EDEM3: variants seen among roughly 807,000 people sequenced by gnomAD.
The protein encoded by EDEM3 is ER degradation enhancing alpha-mannosidase like protein 3.
EDEM3 carries 60 observed loss-of-function variants against 110.2 expected under a neutral mutation model. That is an observed-to-expected ratio of 0.54 (90% CI 0.44 to 0.67). The LOEUF (loss-of-function observed/expected upper bound fraction) is 0.67. Among genes scored for constraint, EDEM3 ranks in the 30% least tolerant of loss-of-function variants. The pLI is 0.00. For missense variants in EDEM3, 996 were observed against 1,121.0 expected (o/e 0.89, Z 1.59); for synonymous variants, 352 against 382.9 (o/e 0.92, Z 0.94).
intron 2 of EDEM3, among the ~76,000 whole-genome samples, chr1:184,739,962 C>T (rs1182224010): frequency 2.0e-5 from 3 of 152,084 alleles, no homozygotes; most frequent in Non-Finnish European, 4.4e-5. Context: ...GGAGTTGATG[C>T]TGGTGGCCCT....
intron 19 of EDEM3, among the ~76,000 whole-genome samples, chr1:184,695,102 G>C (rs1649260927): frequency 6.6e-6 from 1 of 151,932 alleles, no homozygotes; most frequent in Non-Finnish European, 1.5e-5. Flanking sequence ...CCACTGGAAG[G>C]CTGAAGAGTG....
chr1:184,730,424 A>AT (rs1213942523), intron 6 of EDEM3, among the ~76,000 whole-genome samples: 1 of 151,830 alleles, frequency 6.6e-6, no homozygotes. Flanking sequence ...CTCTACAAAA[A>AT]TTTTTTTTAA....
chr1:184,694,552 G>A (rs1366782799), intron 19 of EDEM3, 80 bp from the exon 20 acceptor site: 5 of 1,341,484 alleles, frequency 3.7e-6, no homozygotes, highest in Non-Finnish European at 5.0e-6. Context: ...ATTGGTTTTT[G>A]CAACAAGATG....
Position 184,717,562 on chromosome 1 carries a change from T to G in EDEM3, c.1223A>C (p.Glu408Ala), listed in dbSNP as rs1650622539. The change falls in exon 12 of 20, where the codon GAA (glutamate) becomes GCA (alanine). Residue 408 changes from glutamate (E) to alanine (A), a missense_variant. By Grantham distance (107) the Glu-to-Ala change is moderately radical (BLOSUM62 -1). Coordinates refer to ENST00000318130, the MANE Select transcript of EDEM3 (RefSeq NM_025191.4). ...AQHPLRPEFA[E>A]STYFLYKATG... ...TACTTTATATAAGAAGTAGGTACTTTCTGCAAATTCTGGCCTTAAAGGATG... is the reference window on the plus strand; with the variant it reads ...TACTTTATATAAGAAGTAGGTACTTGCTGCAAATTCTGGCCTTAAAGGATG... The G allele has an allele frequency of 2.5e-6, 4 of 1,607,954 alleles. No homozygotes were observed. Among genetic ancestry groups the G allele is most frequent in the Non-Finnish European group, 2.5e-6 (3 of 1,177,546 alleles).
chr1:184,747,999 T>C (rs1037345193), intron 2 of EDEM3, among the ~76,000 whole-genome samples: 1 of 152,176 alleles, frequency 6.6e-6, no homozygotes, highest in Non-Finnish European at 1.5e-5. Flanking sequence ...ATTTATGAGA[T>C]GGCTAAGGTC....
intron 2 of EDEM3, among the ~76,000 whole-genome samples, chr1:184,747,683 A>T (rs566451402): frequency 6.6e-6 from 1 of 152,254 alleles, no homozygotes; most frequent in Admixed American, 6.5e-5. Context: ...TTCTCTCTTA[A>T]ATCTTATTAA....
At position 184,754,673 on chromosome 1, in the gene EDEM3, C is replaced by G. The variant is rs765774563; in HGVS notation, c.-27G>C. 7.3e-6 allele frequency: 11 copies of G among 1,514,570 alleles called. No individual in the cohort carries two copies. The allele number at this position is 1,514,570 out of a possible 1,614,324, so 93.8% of individuals were successfully genotyped here. ...GCCCCGCGGTTCCGCGCACGCGCAG[C>G]TGCTACGCCCGGCCGGTGAGACACA... On this transcript the variant is annotated 5_prime_UTR_variant, in exon 1 of 20. Coordinates refer to ENST00000318130, the MANE Select transcript of EDEM3 (RefSeq NM_025191.4).
chr1:184,731,911 T>G (rs1651543651), intron 6 of EDEM3, among the ~76,000 whole-genome samples: 2 of 152,180 alleles, frequency 1.3e-5, no homozygotes, highest in African/African-American at 4.8e-5. Context: ...GTGTGGTGGC[T>G]CATGCCTGTA....
In EDEM3 at chr1:184,712,413, C is replaced by T; in HGVS notation, c.1536+20G>A. On this transcript the variant is annotated intron_variant, in intron 14 of 19. Transcript: ENST00000318130. ...TGTAGAAATAAAAAAGAGAATAAGA[C>T]ATTTCATTTAAAAACTCACTGTGTT... 1 of 1,570,694 alleles carries T rather than the reference C, an allele frequency of 6.4e-7. No homozygotes were observed. The highest frequency in any genetic ancestry group is 1.4e-5 in the African/African-American group (1 of 72,234).
intron 19 of EDEM3, among the ~76,000 whole-genome samples, chr1:184,699,787 A>G (rs1270629442): frequency 4.0e-5 from 6 of 151,878 alleles, no homozygotes; most frequent in Non-Finnish European, 8.8e-5. Flanking sequence ...ATTTGTCTAG[A>G]GCCCTTAAGG....
chr1:184,726,883 T>A (rs1478029820), intron 6 of EDEM3, among the ~76,000 whole-genome samples: 1 of 152,218 alleles, frequency 6.6e-6, no homozygotes, highest in Non-Finnish European at 1.5e-5. Flanking sequence ...TGAAAGGAAA[T>A]TAAAATTTCA....
chr1:184,701,987 C>G (rs1649652863), intron 19 of EDEM3, among the ~76,000 whole-genome samples: 1 of 152,022 alleles, frequency 6.6e-6, no homozygotes, highest in Non-Finnish European at 1.5e-5. Context: ...GATGTAACAA[C>G]CCTGTACTAT....
rs146851109 is a variant in EDEM3 at position 184,694,095 on chromosome 1, C to T, written c.2767G>A (p.Ala923Thr). 63 of 1,612,824 alleles carry T rather than the reference C, an allele frequency of 3.9e-5. No homozygotes were observed. Among genetic ancestry groups the T allele is most frequent in the Non-Finnish European group, 5.3e-5 (63 of 1,179,382 alleles). The change falls in exon 20 of 20, where the codon GCA (alanine) becomes ACA (threonine). Residue 923 changes from alanine (A) to threonine (T), a missense_variant. This residue lies in a region of EDEM3 where 345 missense variants were observed against 402.0 expected (regional missense o/e 0.86). Coordinates refer to ENST00000318130, the MANE Select transcript of EDEM3 (RefSeq NM_025191.4). ...ILADWNEDIEAFEMMEKDEL is the reference protein window; with the variant it reads ...ILADWNEDIETFEMMEKDEL Reference sequence around the variant, plus strand: ...TCATCCTTCTCCATCATTTCAAATGCTTCTATATCTTCATTCCAGTCTGCT... The same window carrying T: ...TCATCCTTCTCCATCATTTCAAATGTTTCTATATCTTCATTCCAGTCTGCT...
rs1649018842 is a variant in EDEM3 at position 184,690,566 on chromosome 1, A to G, written c.*3497T>C. On this transcript the variant is annotated 3_prime_UTR_variant, in exon 20 of 20. Transcript: ENST00000318130. ...TAATTATAATCAAATACATAATTAT[A>G]TACAGGATTATATACATTTTGCCCA... is the stretch of plus-strand genomic sequence containing the variant. 1 of 152,604 alleles carries G rather than the reference A, an allele frequency of 6.6e-6. No individual in the cohort carries two copies. The highest frequency in any genetic ancestry group is 2.4e-5 in the African/African-American group (1 of 41,442). 9.5% of individuals were successfully genotyped at this position (152,604 alleles called of 1,614,324 possible).
rs187296653 is a variant in EDEM3, at chr1:184,747,602, C to T, written c.204+1945G>A. 2.0e-5 allele frequency among the ~76,000 whole-genome samples: 3 copies of T among 152,272 alleles called. No homozygotes were observed. The East Asian group carries it at 5.8e-4, about 29-fold the overall frequency. ...TTTAAAATACATATTACAGTGGACACGTATGGTCCCACTGGAAATATATAA... is the reference window on the plus strand; with the variant it reads ...TTTAAAATACATATTACAGTGGACATGTATGGTCCCACTGGAAATATATAA... On this transcript the variant is annotated intron_variant, in intron 2 of 19. Coordinates refer to ENST00000318130, the MANE Select transcript of EDEM3 (RefSeq NM_025191.4).
intron 2 of EDEM3, 58 bp from the exon 3 acceptor site, chr1:184,737,769 T>G: frequency 6.9e-7 from 1 of 1,440,774 alleles, no homozygotes; most frequent in South Asian, 1.2e-5. Flanking sequence ...CACATCATTT[T>G]GAGAACATAA....
At chr1:184,733,207 G>A (rs1651626158) in intron 5 of EDEM3, among the ~76,000 whole-genome samples, 1 of 152,108 alleles carries the variant, frequency 6.6e-6, no homozygotes, top group African/African-American at 2.4e-5. Context: ...ATCCTGTTGT[G>A]AAGTGTTCTG....
rs1207174603 is a variant in EDEM3 at position 184,702,958 on chromosome 1, ACAGAGGGGCAGTATCACTGCT to A, written c.2221_2241del (p.Ser741_Leu747del). Reference sequence around the variant, plus strand: ...TCCTTTCCATCACCTGCCATCTGGAACAGAGGGGCAGTATCACTGCTGCTCCCCTCATTGTCATCTAGCCAG... The same window carrying A: ...TCCTTTCCATCACCTGCCATCTGGAAGCTCCCCTCATTGTCATCTAGCCAG... On this transcript the variant is annotated inframe_deletion, in exon 19 of 20. Transcript: ENST00000318130. 1 of 1,612,418 alleles carries A rather than the reference ACAGAGGGGCAGTATCACTGCT, an allele frequency of 6.2e-7. No individual in the cohort carries two copies. The highest frequency in any genetic ancestry group is 1.3e-5 in the African/African-American group (1 of 74,780).
chr1:184,698,396 T>C (rs190364791), intron 19 of EDEM3, among the ~76,000 whole-genome samples: 30 of 151,930 alleles, frequency 2.0e-4, no homozygotes, highest in Admixed American at 9.9e-4. Flanking sequence ...AATAGTGACA[T>C]GGTTAAATAA....
Sources: allele counts gnomAD v4.1 joint callset (sites outside exome capture counted in the v4.1 genomes callset), GRCh38; gene constraint gnomAD v4.1.1; regional missense constraint gnomAD v4.1.1; transcripts MANE v1.5; gene names NCBI Gene and HGNC (gene_info 2026-07-23, HGNC 2026-07-21).